The following CNTNAP5 variants were observed in gnomAD, a reference collection of about 807,000 sequenced individuals.
CNTNAP5 encodes contactin associated protein family member 5, also known as contactin-associated protein-like 5.
Under a neutral mutation model 150.2 loss-of-function variants are expected in CNTNAP5, and 72 were observed. The observed-to-expected ratio is 0.48, with a 90% confidence interval of 0.40 to 0.58. The LOEUF is 0.58. Ranked by LOEUF, CNTNAP5 falls within the 20% of genes least tolerant of loss-of-function variation. The pLI, the probability that CNTNAP5 is intolerant of heterozygous loss-of-function variation, is 0.00. For missense variants in CNTNAP5, 1,636 were observed against 1,626.2 expected (o/e 1.01, Z -0.10); for synonymous variants, 672 against 619.8 (o/e 1.08, Z -1.25).
At chr2:124,905,773 TG>T (rs1678522913) in intron 22 of CNTNAP5, among the ~76,000 whole-genome samples, 1 of 152,114 alleles carries the variant, frequency 6.6e-6, no homozygotes, top group East Asian at 1.9e-4. Flanking sequence ...TGGGAAGGAA[TG>T]GGGTGAACCA....
At chr2:124,653,910 A>ACCCCCCCCC (rs1573525170) in intron 13 of CNTNAP5, among the ~76,000 whole-genome samples, 2 of 18,382 alleles carry the variant, frequency 1.1e-4, no homozygotes, top group Non-Finnish European at 2.2e-4. Flanking sequence ...CACTGCCCCC[A>ACCCCCCCCC]ACCCCCCCCC....
At chr2:124,512,269 G>C (rs544806242) in intron 8 of CNTNAP5, among the ~76,000 whole-genome samples, 1 of 151,864 alleles carries the variant, frequency 6.6e-6, no homozygotes, top group African/African-American at 2.4e-5. Flanking sequence ...ACAGTGTACT[G>C]CCCTGATGTC....
chr2:124,378,646 T>C (rs78417668), intron 3 of CNTNAP5, among the ~76,000 whole-genome samples: 12,351 of 152,218 alleles, frequency 0.081, 635 homozygotes, highest in East Asian at 0.21. Context: ...GTTTTAAAAA[T>C]AGTGCAGACA....
chr2:124,834,701 T>C (rs1468037264), intron 19 of CNTNAP5, among the ~76,000 whole-genome samples: 2 of 152,032 alleles, frequency 1.3e-5, no homozygotes, highest in African/African-American at 4.8e-5. Context: ...ACTGTGGCAC[T>C]GAGGGTGCTG....
At chr2:124,294,478 G>A (rs1688372917) in intron 3 of CNTNAP5, among the ~76,000 whole-genome samples, 1 of 152,056 alleles carries the variant, frequency 6.6e-6, no homozygotes, top group Non-Finnish European at 1.5e-5. Context: ...TAGTACCAGA[G>A]GAGAAGAAAT....
intron 3 of CNTNAP5, among the ~76,000 whole-genome samples, chr2:124,304,324 AAGC>A (rs963728115): frequency 1.3e-5 from 2 of 152,174 alleles, no homozygotes; most frequent in African/African-American, 4.8e-5. Flanking sequence ...CACTTCTGTG[AAGC>A]ACTAACATTT....
At chr2:124,498,272 A>G (rs182259992) in intron 7 of CNTNAP5, among the ~76,000 whole-genome samples, 104 of 152,310 alleles carry the variant, frequency 6.8e-4, no homozygotes, top group Middle Eastern at 6.8e-3. Flanking sequence ...AAGTGGCTGC[A>G]TATAATTTCT....
intron 10 of CNTNAP5, among the ~76,000 whole-genome samples, chr2:124,534,657 G>A (rs61190770): frequency 0.05 from 7,541 of 152,174 alleles, 263 homozygotes; most frequent in East Asian, 0.089. Flanking sequence ...GGTGGATCAC[G>A]AGGTCAGGAC....
rs926002673 is a variant in CNTNAP5, at chr2:124,919,713, AT to A, written c.*5433del. On this transcript the variant is annotated 3_prime_UTR_variant, in exon 24 of 24. Transcript: ENST00000682447. ...ATAATTCTTTACTCACATTTGCATG[AT>A]TTTTTTTACCTTCCAACACTTCTTC... Among the ~76,000 whole-genome samples the A allele has an allele frequency of 5.3e-4, 81 of 151,592 alleles. No homozygotes were observed. The highest frequency in any genetic ancestry group is 9.2e-4 in the Admixed American group (14 of 15,216).
chr2:124,626,235 A>G (rs1573505917), intron 12 of CNTNAP5, among the ~76,000 whole-genome samples: 1 of 152,152 alleles, frequency 6.6e-6, no homozygotes, highest in African/African-American at 2.4e-5. Flanking sequence ...GGGGTGTGTT[A>G]GTCCACTCTC....
At chr2:124,349,080 G>A (rs1324586535) in intron 3 of CNTNAP5, among the ~76,000 whole-genome samples, 1 of 152,192 alleles carries the variant, frequency 6.6e-6, no homozygotes, top group African/African-American at 2.4e-5. Context: ...GATTGGACAT[G>A]TCTGGCTTAA....
chr2:124,850,930 G>C (rs543229978), intron 19 of CNTNAP5, among the ~76,000 whole-genome samples: 1 of 152,310 alleles, frequency 6.6e-6, no homozygotes, highest in Admixed American at 6.5e-5. Flanking sequence ...GAAAGTTTTG[G>C]TGGTAGCTTA....
chr2:124,448,513 G>C (rs963940044), intron 6 of CNTNAP5, among the ~76,000 whole-genome samples: 1 of 152,096 alleles, frequency 6.6e-6, no homozygotes, highest in East Asian at 1.9e-4. Context: ...CCCGTTGACA[G>C]CTTGAAGTCT....
intron 3 of CNTNAP5, among the ~76,000 whole-genome samples, chr2:124,297,687 A>C (rs1688469483): frequency 6.6e-6 from 1 of 151,970 alleles, no homozygotes; most frequent in Admixed American, 6.6e-5. Context: ...CTGCCTTCAA[A>C]GGTCATGATT....
At chr2:124,851,877 T>A (rs1031162177) in intron 19 of CNTNAP5, among the ~76,000 whole-genome samples, 1 of 152,106 alleles carries the variant, frequency 6.6e-6, no homozygotes, top group African/African-American at 2.4e-5. Context: ...GATAAACCAT[T>A]CAAAAGTAGG....
At position 124,282,337 on chromosome 2, in the gene CNTNAP5, G is replaced by A. The variant is rs1688034279; in HGVS notation, c.381+39944G>A. On this transcript the variant is annotated intron_variant, in intron 3 of 23. Coordinates refer to ENST00000682447, the MANE Select transcript of CNTNAP5 (RefSeq NM_001367498.1). Reference sequence around the variant, plus strand: ...AACTGATCAGTATAAAGAACTAGGTGTTCAATAAGCAAATGTCATGTCTTT... The same window carrying A: ...AACTGATCAGTATAAAGAACTAGGTATTCAATAAGCAAATGTCATGTCTTT... Among the ~76,000 whole-genome samples the A allele has an allele frequency of 2.0e-5, 3 of 152,138 alleles. No individual in the cohort carries two copies. The South Asian group carries it at 6.2e-4, about 31-fold the overall frequency.
chr2:124,041,130 C>T (rs1553431826), intron 1 of CNTNAP5, among the ~76,000 whole-genome samples: 1 of 152,060 alleles, frequency 6.6e-6, no homozygotes, highest in Non-Finnish European at 1.5e-5. Flanking sequence ...AAAGTTAATC[C>T]AAAAAACATC....
chr2:124,338,761 A>T (rs1053827295), intron 3 of CNTNAP5, among the ~76,000 whole-genome samples: 3 of 152,084 alleles, frequency 2.0e-5, no homozygotes, highest in African/African-American at 7.2e-5. Context: ...CTTAGTTCTG[A>T]GGCAGCTTCT....
At chr2:124,849,143 T>A (rs1329566976) in intron 19 of CNTNAP5, among the ~76,000 whole-genome samples, 1 of 152,180 alleles carries the variant, frequency 6.6e-6, no homozygotes, top group Non-Finnish European at 1.5e-5. Flanking sequence ...TAACTCTTTA[T>A]TTTCAAGTAA....
Sources: gnomAD v4.1 joint callset for allele counts (sites outside exome capture counted in the v4.1 genomes callset) on GRCh38, gnomAD v4.1.1 for gene constraint, MANE v1.5 for transcripts, NCBI Gene and HGNC (gene_info 2026-07-23, HGNC 2026-07-21) for gene names.